ZMYM2: variants seen among roughly 807,000 people sequenced by gnomAD.
The protein encoded by ZMYM2 is zinc finger MYM-type containing 2, also known as zinc finger MYM-type protein 2.
A neutral mutation model predicts 162.8 loss-of-function variants in ZMYM2; 56 were observed. That is an observed-to-expected ratio of 0.34 (90% CI 0.28 to 0.43). ZMYM2 has a LOEUF of 0.43. ZMYM2 is among the 20% of genes least tolerant of loss of function. ZMYM2 has a pLI of 1.00. For missense variants in ZMYM2, 1,275 were observed against 1,621.8 expected, an observed-to-expected ratio of 0.79 and a Z score of 3.67; for synonymous variants, 510 against 541.6, an observed-to-expected ratio of 0.94 and a Z score of 0.81.
chr13:20,000,203 GCTAA>G (rs768684185), intron 3 of ZMYM2, among the ~76,000 whole-genome samples: 82 of 152,242 alleles, frequency 5.4e-4, no homozygotes, highest in Middle Eastern at 3.4e-3. Flanking sequence ...AGAGTTAGGC[GCTAA>G]CTCTTTTTCA....
chr13:19,942,112 C>T, the ZMYM2 span, among the ~76,000 whole-genome samples: 5 of 151,774 alleles, frequency 3.3e-5, no homozygotes, highest in East Asian at 3.9e-4. Context: ...ATTACCAAAC[C>T]GAGTATATAA....
chr13:20,049,048 AT>A (rs1955075900), intron 12 of ZMYM2, among the ~76,000 whole-genome samples: 1 of 151,946 alleles, frequency 6.6e-6, no homozygotes, highest in South Asian at 2.1e-4. Flanking sequence ...TGGCCACCAT[AT>A]TTTAGCTGAA....
upstream of ZMYM2, among the ~76,000 whole-genome samples, chr13:19,955,707 C>T (rs575863617): frequency 2.0e-3 from 310 of 152,164 alleles, no homozygotes; most frequent in Non-Finnish European, 1.8e-3. Flanking sequence ...CTGCAACCTC[C>T]GCCTCCTGGG....
intron 21 of ZMYM2, among the ~76,000 whole-genome samples, chr13:20,077,607 C>T (rs1957596814): frequency 6.6e-6 from 1 of 151,794 alleles, no homozygotes; most frequent in African/African-American, 2.4e-5. Context: ...TTTTGAAGTA[C>T]ATATAGAAAT....
chr13:20,040,048 C>A (rs1298980871), intron 12 of ZMYM2, among the ~76,000 whole-genome samples: 1 of 152,090 alleles, frequency 6.6e-6, no homozygotes, highest in Non-Finnish European at 1.5e-5. Flanking sequence ...TTGAAGTTTT[C>A]TTTTCTGGTT....
At chr13:19,897,562 AAAAAAG>A in the ZMYM2 span, among the ~76,000 whole-genome samples, 12 of 150,548 alleles carry the variant, frequency 8.0e-5, no homozygotes, top group African/African-American at 2.9e-4. Flanking sequence ...ATATTAAAAA[AAAAAAG>A]AAAAAGAAAA....
chr13:19,990,472 T>G (rs1041015330), intron 2 of ZMYM2, among the ~76,000 whole-genome samples: 18 of 152,244 alleles, frequency 1.2e-4, no homozygotes, highest in African/African-American at 4.3e-4. Context: ...CAGCTGAATC[T>G]TATCATTTCG....
intron 12 of ZMYM2, among the ~76,000 whole-genome samples, chr13:20,048,935 A>G (rs1215247557): frequency 6.6e-6 from 1 of 151,474 alleles, no homozygotes; most frequent in Non-Finnish European, 1.5e-5. Context: ...ATTTTTTATG[A>G]TGTCTTAATA....
chr13:20,083,898 A>T (rs552668696), intron 24 of ZMYM2, 122 bp downstream of exon 24: 33 of 976,230 alleles, frequency 3.4e-5, no homozygotes, highest in Admixed American at 3.2e-4. Context: ...TCTCTCAGTT[A>T]TACCCAAGTT....
intron 12 of ZMYM2, among the ~76,000 whole-genome samples, chr13:20,040,072 GT>G (rs1266884566): frequency 6.6e-6 from 1 of 152,172 alleles, no homozygotes; most frequent in African/African-American, 2.4e-5. Flanking sequence ...TCTCTGCCAG[GT>G]TTTGGTATCA....
At position 19,992,478 on chromosome 13, in the gene ZMYM2, T is replaced by G. The variant is rs756230821; in HGVS notation, c.-10-585T>G. Among the ~76,000 whole-genome samples, 12 of 152,188 alleles carry G rather than the reference T, an allele frequency of 7.9e-5. No homozygotes were observed. The South Asian group carries it at 1.5e-3, about 18-fold the overall frequency. On this transcript the variant is annotated intron_variant, in intron 2 of 24. Coordinates refer to ENST00000610343, the MANE Select transcript of ZMYM2 (RefSeq NM_197968.4). ...GCTACTTGGAGGTGGGAGGATCGCCTTAACCTGGGAGGTCAAGGCTGTAGT... is the reference window on the plus strand; with the variant it reads ...GCTACTTGGAGGTGGGAGGATCGCCGTAACCTGGGAGGTCAAGGCTGTAGT...
chr13:20,008,993 T>C (rs1357568721), intron 6 of ZMYM2, among the ~76,000 whole-genome samples: 2 of 152,052 alleles, frequency 1.3e-5, no homozygotes, highest in Non-Finnish European at 2.9e-5. Flanking sequence ...AAATCAGGTC[T>C]TCAAAAACCA....
At chr13:19,962,677 A>C (rs1428197919) in intron 2 of ZMYM2, among the ~76,000 whole-genome samples, 1 of 150,750 alleles carries the variant, frequency 6.6e-6, no homozygotes, top group African/African-American at 2.4e-5. Flanking sequence ...GGCATGCGCC[A>C]CTGTGCCTGA....
At chr13:20,030,828 C>G (rs955326165) in intron 9 of ZMYM2, among the ~76,000 whole-genome samples, 6 of 152,188 alleles carry the variant, frequency 3.9e-5, no homozygotes, top group Non-Finnish European at 2.9e-5. Flanking sequence ...GCCACTGCGC[C>G]TGGCCAACAT....
Position 20,002,912 on chromosome 13 carries a change from T to C in ZMYM2, c.910T>C (p.Leu304=). The change falls in exon 4 of 25, where the codon TTA becomes CTA. Residue 304 remains leucine, a synonymous_variant. Transcript: ENST00000610343. Reference sequence around the variant, plus strand: ...TCAGAAACAACCAGGGGTGGACTCTTTATCACCAGTGGCCTCACTTCCTAA... The same window carrying C: ...TCAGAAACAACCAGGGGTGGACTCTCTATCACCAGTGGCCTCACTTCCTAA... ...RNQKQPGVDS[L]SPVASLPKQI... The C allele has an allele frequency of 1.2e-6, 2 of 1,614,190 alleles. No individual in the cohort carries two copies. The highest frequency in any genetic ancestry group is 1.7e-6 in the Non-Finnish European group (2 of 1,180,028).
chr13:19,976,418 T>TA (rs1463988580), intron 2 of ZMYM2, among the ~76,000 whole-genome samples: 1 of 152,068 alleles, frequency 6.6e-6, no homozygotes, highest in Non-Finnish European at 1.5e-5. Context: ...TTTTAAATTG[T>TA]AAAAAAACAA....
the ZMYM2 span, among the ~76,000 whole-genome samples, chr13:19,872,929 G>A: frequency 7.9e-5 from 12 of 151,848 alleles, no homozygotes; most frequent in Non-Finnish European, 1.2e-4. Flanking sequence ...AACCCAGGAG[G>A]CCAGAGGTTG....
the ZMYM2 span, among the ~76,000 whole-genome samples, chr13:19,884,149 C>T: frequency 1.3e-5 from 2 of 152,118 alleles, no homozygotes; most frequent in Admixed American, 6.6e-5. Flanking sequence ...GGCAGGATTG[C>T]TTGAGCTTAT....
intron 1 of ZMYM2, among the ~76,000 whole-genome samples, chr13:19,959,683 C>T (rs943763865): frequency 6.6e-6 from 1 of 152,148 alleles, no homozygotes; most frequent in East Asian, 1.9e-4. Context: ...TTTCCCTTCC[C>T]CCCTCCCTTC....
Sources: gnomAD v4.1 joint callset for allele counts (sites outside exome capture counted in the v4.1 genomes callset) on GRCh38, gnomAD v4.1.1 for gene constraint, MANE v1.5 for transcripts, NCBI Gene and HGNC (gene_info 2026-07-23, HGNC 2026-07-21) for gene names.